ACSM1: variants seen among roughly 807,000 people sequenced by gnomAD.
ACSM1 encodes the protein acyl-coenzyme A synthetase ACSM1, mitochondrial.
In ACSM1, 79 loss-of-function variants were observed where a neutral mutation model predicts 75.8. The observed-to-expected ratio is 1.04, with a 90% CI of 0.87 to 1.26. The LOEUF (loss-of-function observed/expected upper bound fraction) is 1.26. ACSM1 is among the 50% of genes most tolerant of loss of function. The probability of loss-of-function intolerance (pLI) is 0.00; values close to 1 mark genes in which losing one functional copy is unlikely to be tolerated. For missense variants in ACSM1, 676 were observed against 720.1 expected, an observed-to-expected ratio of 0.94 and a Z score of 0.70; for synonymous variants, 279 against 265.8, an observed-to-expected ratio of 1.05 and a Z score of -0.48.
intron 10 of ACSM1, among the ~76,000 whole-genome samples, chr16:20,635,295 T>C (rs2152205720): frequency 6.6e-6 from 1 of 152,294 alleles, no homozygotes; most frequent in East Asian, 1.9e-4. Flanking sequence ...CTTGGGAGGC[T>C]GAGTTGGGAA....
At chr16:20,624,283 AT>A in intron 12 of ACSM1, 68 bp from the exon 13 acceptor site, 7 of 1,503,958 alleles carry the variant, frequency 4.7e-6, no homozygotes, top group Non-Finnish European at 6.3e-6. Context: ...GTCAATGTTT[AT>A]TGAATGAGTG....
intron 4 of ACSM1, chr16:20,679,067 C>A (rs1596936365): frequency 6.6e-6 from 1 of 152,216 alleles, no homozygotes; most frequent in Non-Finnish European, 1.5e-5. Flanking sequence ...TAAGGATTTT[C>A]TTTAAGTTAA....
At position 20,637,380 on chromosome 16, in the gene ACSM1, G is replaced by A. The variant is rs151328; in HGVS notation, c.1188C>T (p.Tyr396=). The part of the protein sequence containing the change: ...PGFMGKATPP[Y]DVQVIDDKGS... The stretch of plus-strand genomic sequence containing the variant: ...GCCCTTAGGACCAGACCTGGACGTC[G>A]TAGGGTGGAGTGGCCTTCCCCATGA... The change falls in exon 9 of 14, where the codon TAC becomes TAT. Residue 396 remains tyrosine (Y), a synonymous_variant. Coordinates refer to ENST00000520010, the MANE Select transcript of ACSM1 (RefSeq NM_001318890.3). The A allele has an allele frequency of 0.22, 361,578 of 1,613,198 alleles. 47,041 individuals carry two copies. Among genetic ancestry groups the A allele is most frequent in the African/African-American group, 0.51 (38,005 of 74,892 alleles).
In ACSM1 at chr16:20,624,141, C is replaced by T. The variant is rs925958627; in HGVS notation, c.1602G>A (p.Gln534=). 8.7e-6 allele frequency: 14 copies of T among 1,613,400 alleles called. No individual in the cohort carries two copies. The highest frequency in any genetic ancestry group is 3.3e-5 in the Admixed American group (2 of 59,998). ...GGGCTGTCACTGACTTGACATGCTG[C>T]TGCAGTTCCTTGGTCAGCTGATCCT... ...HDKDQLTKEL[Q]QHVKSVTAPY... The change falls in exon 13 of 14, where the codon CAG becomes CAA. Residue 534 remains glutamine (Q), a synonymous_variant. Transcript: ENST00000520010.
intron 2 of ACSM1, 27 bp downstream of exon 2, chr16:20,690,970 A>G: frequency 6.3e-7 from 1 of 1,595,522 alleles, no homozygotes. Flanking sequence ...CCTTGTTCTT[A>G]TATCGCCATC....
At chr16:20,668,469 G>T (rs535495744) in intron 6 of ACSM1, among the ~76,000 whole-genome samples, 25 of 152,162 alleles carry the variant, frequency 1.6e-4, no homozygotes, top group Non-Finnish European at 2.8e-4. Flanking sequence ...TGGTGACACA[G>T]GAGGAGGCAT....
intron 7 of ACSM1, among the ~76,000 whole-genome samples, chr16:20,656,745 T>G (rs767395793): frequency 6.6e-6 from 1 of 152,134 alleles, no homozygotes; most frequent in Non-Finnish European, 1.5e-5. Flanking sequence ...TGGATCTGTT[T>G]CACTGCAAAT....
intron 6 of ACSM1, among the ~76,000 whole-genome samples, chr16:20,663,468 C>A (rs1010453490): frequency 3.9e-4 from 60 of 152,120 alleles, no homozygotes; most frequent in African/African-American, 1.3e-3. Flanking sequence ...CTTAACTTGT[C>A]TTTTCTGATT....
At chr16:20,657,225 T>G (rs1333317385) in intron 7 of ACSM1, among the ~76,000 whole-genome samples, 1 of 152,186 alleles carries the variant, frequency 6.6e-6, no homozygotes, top group Non-Finnish European at 1.5e-5. Flanking sequence ...ACATAAAAGT[T>G]AAAAAGAAGC....
intron 7 of ACSM1, among the ~76,000 whole-genome samples, chr16:20,656,438 C>T (rs2018961053): frequency 6.6e-6 from 1 of 152,058 alleles, no homozygotes; most frequent in South Asian, 2.1e-4. Context: ...ATTTAACCCT[C>T]GGGTTTTGCA....
chr16:20,683,629 G>A (rs2079489557), intron 3 of ACSM1, among the ~76,000 whole-genome samples: 1 of 140,362 alleles, frequency 7.1e-6, no homozygotes, highest in African/African-American at 2.6e-5. Context: ...TCTTAGCCCA[G>A]AGGGCTCAGC....
At chr16:20,682,737 CA>C in intron 3 of ACSM1, among the ~76,000 whole-genome samples, 1 of 151,912 alleles carries the variant, frequency 6.6e-6, no homozygotes, top group Non-Finnish European at 1.5e-5. Context: ...TGGATCTAGC[CA>C]AAAAATGGGT....
intron 10 of ACSM1, among the ~76,000 whole-genome samples, chr16:20,632,167 A>T (rs2017389040): frequency 6.6e-6 from 1 of 152,294 alleles, no homozygotes; most frequent in Non-Finnish European, 1.5e-5. Flanking sequence ...AAAACCTTAC[A>T]CTTTAGGGAA....
Position 20,661,863 on chromosome 16 carries a change from T to C in ACSM1, c.923A>G (p.Lys308Arg), listed in dbSNP as rs1196892120. The C allele has an allele frequency of 6.2e-7, 1 of 1,605,106 alleles. No individual in the cohort carries two copies. Among genetic ancestry groups the C allele is most frequent in the Admixed American group, 1.7e-5 (1 of 59,852 alleles). Residue 308 changes from lysine to arginine, a missense_variant, in exon 7 of 14, where the codon AAA becomes AGA. By Grantham distance (26) the Lys-to-Arg change is conservative. Coordinates refer to ENST00000520010, the MANE Select transcript of ACSM1 (RefSeq NM_001318890.3). ...CCCCCAAAAGTGGTTAATGGGGTAT[T>C]TCAACAATGTCTGGAAAGGGAAGAG... ...DTKVIIQTLL[K>R]YPINHFWGVS...
intron 11 of ACSM1, 147 bp downstream of exon 11, chr16:20,627,042 T>C (rs1199451285): frequency 2.7e-6 from 3 of 1,104,456 alleles, no homozygotes; most frequent in Admixed American, 3.2e-5. Context: ...GGAGGTATAC[T>C]GAAGCCTGGA....
chr16:20,643,070 C>T (rs116241575), intron 7 of ACSM1, among the ~76,000 whole-genome samples: 7,728 of 152,212 alleles, frequency 0.051, 604 homozygotes, highest in African/African-American at 0.17. Context: ...AACCCTGGAG[C>T]TAATGGCTTT....
At chr16:20,672,471 A>AAAAAATATATAT (rs1555473775) in intron 4 of ACSM1, among the ~76,000 whole-genome samples, 25 of 64,568 alleles carry the variant, frequency 3.9e-4, no homozygotes, top group Admixed American at 5.3e-4. Flanking sequence ...AAAAAAAAAA[A>AAAAAATATATAT]ATATATATAT....
At chr16:20,656,235 G>A (rs1382381630) in intron 7 of ACSM1, among the ~76,000 whole-genome samples, 1 of 152,096 alleles carries the variant, frequency 6.6e-6, no homozygotes, top group Non-Finnish European at 1.5e-5. Flanking sequence ...ATGTGGAAGT[G>A]ATATTTCACT....
chr16:20,658,048 A>G (rs2019079788), intron 7 of ACSM1, among the ~76,000 whole-genome samples: 1 of 152,176 alleles, frequency 6.6e-6, no homozygotes, highest in Non-Finnish European at 1.5e-5. Flanking sequence ...TGCTATTGTG[A>G]ATAGTGCCAC....
Sources: allele counts gnomAD v4.1 joint callset (sites outside exome capture counted in the v4.1 genomes callset), GRCh38; gene constraint gnomAD v4.1.1; transcripts MANE v1.5; gene names NCBI Gene and HGNC (gene_info 2026-07-23, HGNC 2026-07-21).